The following LAS1L variants were observed in gnomAD, a reference collection of about 807,000 sequenced individuals.
LAS1L encodes the protein LAS1 like ribosome biogenesis factor, also known as ribosomal biogenesis protein LAS1L.
LAS1L carries 5 observed loss-of-function variants against 57.3 expected under a neutral mutation model. That is an observed-to-expected ratio of 0.09 (90% CI 0.05 to 0.18). The LOEUF is 0.18. Ranked by LOEUF, LAS1L falls within the 10% of genes least tolerant of loss-of-function variation. LAS1L has a pLI of 1.00. For synonymous variants in LAS1L, 245 were observed against 231.7 expected (o/e 1.06, Z -0.52); for missense variants, 360 against 568.3 (o/e 0.63, Z 3.73).
In LAS1L at chrX:65,534,742, C is replaced by T. The variant is rs1170657756; in HGVS notation, c.-27G>A. The T allele has an allele frequency of 1.4e-5, 15 of 1,087,817 alleles. No individual in the cohort carries two copies. The South Asian group carries it at 3.0e-4, about 22-fold the overall frequency. 89.6% of individuals were successfully genotyped at this position (1,087,817 alleles called of 1,213,427 possible). On this transcript the variant is annotated 5_prime_UTR_variant, in exon 1 of 14. Coordinates refer to ENST00000374811, the MANE Select transcript of LAS1L (RefSeq NM_031206.7). Reference sequence around the variant, plus strand: ...CTGAGCTCAACAACAGGCTCTGTGCCGCGCCGCTCCGCACAGCCTTCAGCT... The same window carrying T: ...CTGAGCTCAACAACAGGCTCTGTGCTGCGCCGCTCCGCACAGCCTTCAGCT...
At chrX:65,529,456 G>T (rs1226320627) in intron 5 of LAS1L, 138 bp downstream of exon 5, 2 of 757,003 alleles carry the variant, frequency 2.6e-6, no homozygotes, top group African/African-American at 4.3e-5. Context: ...CCAGGAGGAT[G>T]GTTTGTGACA....
At chrX:65,519,139 G>GA (rs958457972) in intron 11 of LAS1L, 19 of 144,630 alleles carry the variant, frequency 1.3e-4, no homozygotes, top group Non-Finnish European at 1.6e-4. Context: ...GAAAGACCAA[G>GA]GGAGGGCTTT....
At chrX:65,517,856 C>T (rs2068707856) in intron 12 of LAS1L, 131 bp downstream of exon 12, 1 of 1,059,689 alleles carries the variant, frequency 9.4e-7, no homozygotes, top group African/African-American at 1.9e-5. Context: ...CATCTATGCA[C>T]CAGGCTGCCT....
intron 4 of LAS1L, 43 bp from the exon 5 acceptor site, chrX:65,529,921 A>G: frequency 8.7e-7 from 1 of 1,145,494 alleles, no homozygotes; most frequent in Non-Finnish European, 1.2e-6. Context: ...TCAGGCAGGC[A>G]GCTAGCAGGC....
At chrX:65,529,510 C>T in intron 5 of LAS1L, 84 bp downstream of exon 5, 2 of 1,016,844 alleles carry the variant, frequency 2.0e-6, no homozygotes, top group East Asian at 3.2e-5. Context: ...AGAGGAAATG[C>T]TGAGCCAGGG....
intron 13 of LAS1L, among the ~76,000 whole-genome samples, chrX:65,514,534 G>GCACACACACACACACA (rs56718186): frequency 9.0e-5 from 8 of 88,852 alleles, no homozygotes; most frequent in African/African-American, 2.6e-4. Flanking sequence ...GTGTGTGCCT[G>GCACACACACACACACA]CACACACACA....
intron 11 of LAS1L, chrX:65,522,572 G>T (rs1483042348): frequency 9.0e-6 from 1 of 111,105 alleles, no homozygotes; most frequent in Non-Finnish European, 1.9e-5. Context: ...CAAAGGATGG[G>T]CAAAGCTGAA....
chrX:65,533,587 C>A (rs1297414326), intron 2 of LAS1L, 23 bp downstream of exon 2: 2 of 1,206,075 alleles, frequency 1.7e-6, no homozygotes, highest in Non-Finnish European at 2.2e-6. Context: ...CCAACCTCCA[C>A]CCCTACCCCA....
intron 11 of LAS1L, chrX:65,520,423 TGACACTTA>T (rs1473280834): frequency 1.3e-6 from 1 of 751,197 alleles, no homozygotes; most frequent in African/African-American, 2.3e-5. Flanking sequence ...GCACCATGCC[TGACACTTA>T]ATTTCCAATA....
chrX:65,517,569 T>C (rs775346032), intron 12 of LAS1L, among the ~76,000 whole-genome samples: 1 of 111,687 alleles, frequency 9.0e-6, no homozygotes, highest in East Asian at 2.8e-4. Flanking sequence ...TCCTTCTTTC[T>C]AATACACACA....
At position 65,534,693 on chromosome X, in the gene LAS1L, C is replaced by T; in HGVS notation, c.23G>A (p.Gly8Glu). Reference protein sequence around the residue: MSWESGAGPGLGSQGMDL... With the variant: MSWESGAEPGLGSQGMDL... ...CATCCCCTGGGAACCTAGACCTGGC[C>T]CGGCCCCGGATTCCCACGACATACT... Residue 8 changes from glycine to glutamate, a missense_variant, in exon 1 of 14, where the codon GGG becomes GAG. Gly to Glu is a moderately conservative substitution (Grantham distance 98, BLOSUM62 -2). This residue lies in a region of LAS1L where 36 missense variants were observed against 27.9 expected (regional missense o/e 1.29). Coordinates refer to ENST00000374811, the MANE Select transcript of LAS1L (RefSeq NM_031206.7). 8.5e-7 allele frequency: 1 copy of T among 1,175,656 alleles called. No homozygotes were observed. The highest frequency in any genetic ancestry group is 1.1e-6 in the Non-Finnish European group (1 of 877,255).
intron 8 of LAS1L, 145 bp downstream of exon 8, chrX:65,524,820 A>T (rs1489494339): frequency 4.8e-6 from 2 of 412,427 alleles, no homozygotes; most frequent in African/African-American, 6.3e-5. Context: ...TGTTCTGCTC[A>T]GCCAGGAAGG....
chrX:65,514,690 TG>T, intron 13 of LAS1L, 132 bp downstream of exon 13: 1 of 596,163 alleles, frequency 1.7e-6, no homozygotes, highest in Non-Finnish European at 2.5e-6. Flanking sequence ...AGCCAGGGAC[TG>T]GGGCTTACAC....
intron 10 of LAS1L, 85 bp from the exon 11 acceptor site, chrX:65,523,792 T>G: frequency 9.9e-7 from 1 of 1,010,336 alleles, no homozygotes; most frequent in Non-Finnish European, 1.3e-6. Flanking sequence ...GCTCTGTCCC[T>G]CCCCATCCCC....
chrX:65,522,791 G>T (rs767382301), intron 11 of LAS1L: 2 of 112,238 alleles, frequency 1.8e-5, no homozygotes, highest in African/African-American at 6.5e-5. Flanking sequence ...GAATAGCTCC[G>T]AATGATGGAA....
chrX:65,515,926 C>T (rs774516324), intron 12 of LAS1L, among the ~76,000 whole-genome samples: 2 of 111,888 alleles, frequency 1.8e-5, no homozygotes, highest in African/African-American at 3.2e-5. Flanking sequence ...ATGGGGATGC[C>T]GGACATCCCC....
rs151108723 is a variant in LAS1L, at chrX:65,518,320, G to C, written c.1594C>G (p.Leu532Val). 8.3e-7 allele frequency: 1 copy of C among 1,212,035 alleles called. No individual in the cohort carries two copies. Among genetic ancestry groups the C allele is most frequent in the Admixed American group, 2.2e-5 (1 of 46,086 alleles). Residue 532 changes from leucine to valine, a missense_variant, in exon 12 of 14, where the codon CTA becomes GTA. Coordinates refer to ENST00000374811, the MANE Select transcript of LAS1L (RefSeq NM_031206.7). ...ASPIGKSPYT[L>V]DSLYWSVKPA... ...TTGACGCTCCAATACAGGCTGTCTA[G>C]TGTATATGGAGACTTCCCAATGGGG...
Position 65,524,322 on chromosome X carries a change from G to GA in LAS1L, c.1094-61dup, listed in dbSNP as rs2069014349. On this transcript the variant is annotated intron_variant, in intron 9 of 13. Transcript: ENST00000374811. ...TAGGAGAGAGAGAGCAGGAGAGCAC[G>GA]AAAGAGAGAGCAAGAGACAGCAAGA... 4.4e-6 allele frequency: 4 copies of GA among 907,997 alleles called. No individual in the cohort carries two copies. The Admixed American group carries it at 7.6e-5, about 17-fold the overall frequency. The allele number at this position is 907,997 out of a possible 1,213,427, so 74.8% of individuals were successfully genotyped here.
At chrX:65,529,899 A>C (rs778375311) in intron 4 of LAS1L, 21 bp from the exon 5 acceptor site, 4 of 1,201,220 alleles carry the variant, frequency 3.3e-6, no homozygotes, top group Non-Finnish European at 4.5e-6. Context: ...GAAGGCAGGC[A>C]GTGCCACAGG....
Sources: gnomAD v4.1 joint callset for allele counts (sites outside exome capture counted in the v4.1 genomes callset) on GRCh38, gnomAD v4.1.1 for gene constraint, gnomAD v4.1.1 regional missense constraint, MANE v1.5 for transcripts, NCBI Gene and HGNC (gene_info 2026-07-23, HGNC 2026-07-21) for gene names.